SGPP2: variants seen among roughly 807,000 people sequenced by gnomAD.
SGPP2 encodes the protein sphingosine-1-phosphate phosphatase 2.
Under a neutral mutation model 33.9 loss-of-function variants are expected in SGPP2, and 30 were observed. The observed-to-expected ratio is 0.89, with a 90% CI of 0.66 to 1.20. SGPP2 has a LOEUF of 1.20. Ranked by LOEUF, SGPP2 falls within the 50% of genes most tolerant of loss-of-function variation. The pLI, the probability that SGPP2 is intolerant of heterozygous loss-of-function variation, is 0.00. For missense variants in SGPP2, 458 were observed against 532.1 expected (o/e 0.86, Z 1.37); for synonymous variants, 233 against 225.0 (o/e 1.04, Z -0.32).
chr2:222,439,401 A>G (rs1278510995), intron 1 of SGPP2, among the ~76,000 whole-genome samples: 1 of 152,132 alleles, frequency 6.6e-6, no homozygotes, highest in East Asian at 1.9e-4. Context: ...ATGTGGCGGC[A>G]TGCACCTGTA....
chr2:222,524,742 G>A (rs962636870), intron 3 of SGPP2, among the ~76,000 whole-genome samples: 1 of 152,146 alleles, frequency 6.6e-6, no homozygotes, highest in African/African-American at 2.4e-5. Context: ...TCCCAGAACT[G>A]TGTACCTGGG....
chr2:222,560,259 G>C lies in SGPP2; in HGVS notation c.*1361G>C, dbSNP rs1689511417. On this transcript the variant is annotated 3_prime_UTR_variant, in exon 5 of 5. Coordinates refer to ENST00000321276, the MANE Select transcript of SGPP2 (RefSeq NM_152386.4). Reference sequence around the variant, plus strand: ...AGGCTTCCTTGACATTGCCTGTCCTGACAAGGCCTCCCTGACATTACTCCT... The same window carrying C: ...AGGCTTCCTTGACATTGCCTGTCCTCACAAGGCCTCCCTGACATTACTCCT... 6.6e-6 allele frequency: 1 copy of C among 152,226 alleles called. No individual in the cohort carries two copies. Among genetic ancestry groups the C allele is most frequent in the South Asian group, 2.1e-4 (1 of 4,834 alleles). 9.4% of individuals were successfully genotyped at this position (152,226 alleles called of 1,614,324 possible).
At chr2:222,424,917 A>T in intron 1 of SGPP2, 96 bp downstream of exon 1, 1 of 1,048,468 alleles carries the variant, frequency 9.5e-7, no homozygotes, top group African/African-American at 1.7e-5. Context: ...CCGGGCCGAG[A>T]GGGCGCCGTC....
intron 2 of SGPP2, among the ~76,000 whole-genome samples, chr2:222,520,466 C>T (rs1462432591): frequency 1.3e-5 from 2 of 152,122 alleles, no homozygotes; most frequent in Non-Finnish European, 2.9e-5. Context: ...CATGGCAGCT[C>T]ACGTCTGTAA....
chr2:222,501,096 T>C (rs962244895), intron 2 of SGPP2, among the ~76,000 whole-genome samples: 1 of 152,210 alleles, frequency 6.6e-6, no homozygotes, highest in Non-Finnish European at 1.5e-5. Flanking sequence ...AGAAAGCCTG[T>C]GACCCGTGGG....
At chr2:222,551,435 GAATTT>G (rs141845962) in intron 4 of SGPP2, among the ~76,000 whole-genome samples, 6,007 of 152,070 alleles carry the variant, frequency 0.04, 184 homozygotes, top group African/African-American at 0.083. Flanking sequence ...TAGTTTCTGT[GAATTT>G]AATAGCTTAA....
chr2:222,497,462 G>A (rs959125326), intron 2 of SGPP2, among the ~76,000 whole-genome samples: 3 of 152,010 alleles, frequency 2.0e-5, no homozygotes, highest in Non-Finnish European at 2.9e-5. Flanking sequence ...GGCCAGGCTG[G>A]TCCCAAACTC....
intron 1 of SGPP2, among the ~76,000 whole-genome samples, chr2:222,425,156 GT>G (rs1697043909): frequency 6.6e-6 from 1 of 152,220 alleles, no homozygotes; most frequent in Non-Finnish European, 1.5e-5. Context: ...GAGCGGGGAT[GT>G]CCTTGGCACT....
chr2:222,539,868 C>A (rs1412880849), intron 4 of SGPP2, among the ~76,000 whole-genome samples: 1 of 152,076 alleles, frequency 6.6e-6, no homozygotes, highest in East Asian at 1.9e-4. Flanking sequence ...CTTTGGGATC[C>A]CTTTTTCCGG....
chr2:222,435,029 T>TATATATATATGTGTATATATACAC (rs1697217064), intron 1 of SGPP2, among the ~76,000 whole-genome samples: 1 of 24,744 alleles, frequency 4.0e-5, no homozygotes, highest in African/African-American at 1.3e-4. Context: ...TATATGTGTG[T>TATATATATATGTGTATATATACAC]ATATATATGT....
chr2:222,512,004 T>TTTTA (rs34621381), intron 2 of SGPP2, among the ~76,000 whole-genome samples: 45,980 of 147,646 alleles, frequency 0.31, 7,762 homozygotes, highest in Middle Eastern at 0.49. Context: ...TAAAATAAAC[T>TTTTA]TTTATTTATT....
rs991844055 is a variant in SGPP2 at position 222,562,203 on chromosome 2, T to C, written c.*3305T>C. 1.1e-4 allele frequency among the ~76,000 whole-genome samples: 17 copies of C among 152,132 alleles called. No homozygotes were observed. Among genetic ancestry groups the C allele is most frequent in the African/African-American group, 3.9e-4 (16 of 41,412 alleles). The stretch of plus-strand genomic sequence containing the variant: ...AGCCAGATAGAATGACATGCCTTTT[T>C]CCTAATTGTCCACATTCCACCCCCA... On this transcript the variant is annotated 3_prime_UTR_variant, in exon 5 of 5. Coordinates refer to ENST00000321276, the MANE Select transcript of SGPP2 (RefSeq NM_152386.4).
chr2:222,521,275 A>G (rs893171229), intron 2 of SGPP2, among the ~76,000 whole-genome samples: 2 of 152,228 alleles, frequency 1.3e-5, no homozygotes, highest in African/African-American at 2.4e-5. Flanking sequence ...TCTTTAGTGC[A>G]GGACCATCCT....
At chr2:222,433,221 T>C (rs1225887726) in intron 1 of SGPP2, among the ~76,000 whole-genome samples, 3 of 152,090 alleles carry the variant, frequency 2.0e-5, no homozygotes, top group African/African-American at 4.8e-5. Context: ...GGAACTGTTA[T>C]GTTTCAGGAT....
chr2:222,425,423 T>C (rs1470662709), intron 1 of SGPP2, among the ~76,000 whole-genome samples: 1 of 152,194 alleles, frequency 6.6e-6, no homozygotes, highest in East Asian at 1.9e-4. Context: ...TGGGGGTCCC[T>C]CCTGCCTGGT....
At chr2:222,470,044 C>T (rs1697814556) in intron 1 of SGPP2, among the ~76,000 whole-genome samples, 1 of 152,146 alleles carries the variant, frequency 6.6e-6, no homozygotes, top group African/African-American at 2.4e-5. Context: ...TGTTCTCACT[C>T]ATAAGTGGGA....
rs1029038804 is a variant in SGPP2, at chr2:222,460,011, G to A, written c.220-14557G>A. ...TTTTTGACAAGCTCTGTTTCCTTGG[G>A]CATAGGAACCACAGTCCCTGTTTTC... On this transcript the variant is annotated intron_variant, in intron 1 of 4. Coordinates refer to ENST00000321276, the MANE Select transcript of SGPP2 (RefSeq NM_152386.4). This position sits in a 1 kb window ranked among gnomAD's most constrained non-coding sequence, Gnocchi z 4.3. Among the ~76,000 whole-genome samples the A allele has an allele frequency of 1.3e-5, 2 of 152,114 alleles. No homozygotes were observed. The highest frequency in any genetic ancestry group is 2.4e-5 in the African/African-American group (1 of 41,428).
At chr2:222,452,687 G>C in intron 1 of SGPP2, 1 of 1,370,030 alleles carries the variant, frequency 7.3e-7, no homozygotes, top group African/African-American at 1.4e-5. Flanking sequence ...GGCTGTGGTT[G>C]CTGCAGCTTG....
At chr2:222,451,562 T>C (rs1373386469) in intron 1 of SGPP2, among the ~76,000 whole-genome samples, 1 of 152,184 alleles carries the variant, frequency 6.6e-6, no homozygotes, top group African/African-American at 2.4e-5. Flanking sequence ...CCCTGGGCTG[T>C]GTCGTGAGGC....
Sources: allele counts gnomAD v4.1 joint callset (sites outside exome capture counted in the v4.1 genomes callset), GRCh38; gene constraint gnomAD v4.1.1; non-coding constraint Gnocchi (gnomAD v3.1); transcripts MANE v1.5; gene names NCBI Gene and HGNC (gene_info 2026-07-23, HGNC 2026-07-21).